LFNG: variants seen among roughly 807,000 people sequenced by gnomAD.
LFNG encodes the protein beta-1,3-N-acetylglucosaminyltransferase lunatic fringe.
In LFNG, 15 loss-of-function variants were observed where a neutral mutation model predicts 32.7. That is an observed-to-expected ratio of 0.46 (90% CI 0.31 to 0.71). LFNG has a LOEUF of 0.71. Among genes scored for constraint, LFNG ranks in the 30% least tolerant of loss-of-function variants. LFNG has a pLI of 0.06. For synonymous variants in LFNG, 274 were observed against 246.8 expected, an observed-to-expected ratio of 1.11 and a Z score of -1.03; for missense variants, 520 against 545.7, an observed-to-expected ratio of 0.95 and a Z score of 0.47.
rs1226579052 is a variant in LFNG at position 2,519,881 on chromosome 7, G to C, written c.20G>C (p.Arg7Pro). MLKRCG[R>P]RLLLALAGAL... ...CCCACCATGCTCAAGCGCTGCGGCCGGCGCCTGCTGCTGGCGCTGGCGGGC... is the reference window on the plus strand; with the variant it reads ...CCCACCATGCTCAAGCGCTGCGGCCCGCGCCTGCTGCTGGCGCTGGCGGGC... The change falls in exon 1 of 8, where the codon CGG becomes CCG. Residue 7 changes from arginine (R) to proline (P), a missense_variant. This residue lies in a region of LFNG where 360 missense variants were observed against 354.7 expected (regional missense o/e 1.01). Coordinates refer to ENST00000222725, the MANE Select transcript of LFNG (RefSeq NM_001040167.2). 8.2e-6 allele frequency: 9 copies of C among 1,103,564 alleles called. No homozygotes were observed. The highest frequency in any genetic ancestry group is 8.9e-6 in the Non-Finnish European group (8 of 902,184). The allele number at this position is 1,103,564 out of a possible 1,614,324, so 68.4% of individuals were successfully genotyped here.
chr7:2,514,395 C>T (rs911410528), upstream of LFNG, among the ~76,000 whole-genome samples: 2 of 152,260 alleles, frequency 1.3e-5, no homozygotes, highest in Non-Finnish European at 2.9e-5. Context: ...AGAATCACAT[C>T]ACGGTCCCGC....
chr7:2,516,906 G>A (rs1337989322), upstream of LFNG, among the ~76,000 whole-genome samples: 2 of 152,150 alleles, frequency 1.3e-5, no homozygotes, highest in Non-Finnish European at 2.9e-5. Context: ...CCGAGAAGTG[G>A]CCCCTCTGGG....
chr7:2,526,825 G>A lies in LFNG; in HGVS notation c.988-11G>A, dbSNP rs199722773. 8.5e-5 allele frequency: 137 copies of A among 1,612,026 alleles called. No individual in the cohort carries two copies. The highest frequency in any genetic ancestry group is 5.6e-4 in the East Asian group (25 of 44,826). ...GGCCCCTCCCGGCATCACTCCGCCCGCTCCCCACAGGTGACGCTGAGCTAC... is the reference window on the plus strand; with the variant it reads ...GGCCCCTCCCGGCATCACTCCGCCCACTCCCCACAGGTGACGCTGAGCTAC... On this transcript the variant is annotated splice_polypyrimidine_tract_variant and intron_variant, in intron 6 of 7. Coordinates refer to ENST00000222725, the MANE Select transcript of LFNG (RefSeq NM_001040167.2). The surrounding 1 kb of genome is among the most constrained non-coding windows in gnomAD (Gnocchi z 6.9).
chr7:2,519,846 C>T lies in LFNG; in HGVS notation c.-16C>T, dbSNP rs774329163. Reference sequence around the variant, plus strand: ...GGCGCACGGGGAAGGGCGCGCCGCGCGGCCGCCACCCCACCATGCTCAAGC... The same window carrying T: ...GGCGCACGGGGAAGGGCGCGCCGCGTGGCCGCCACCCCACCATGCTCAAGC... On this transcript the variant is annotated 5_prime_UTR_variant, in exon 1 of 8. Coordinates refer to ENST00000222725, the MANE Select transcript of LFNG (RefSeq NM_001040167.2). 1.1e-5 allele frequency: 12 copies of T among 1,078,264 alleles called. No homozygotes were observed. The South Asian group carries it at 2.7e-4, about 24-fold the overall frequency. The allele number at this position is 1,078,264 out of a possible 1,614,324, so 66.8% of individuals were successfully genotyped here. A position where few individuals can be genotyped will look rare whatever the true frequency, so the allele number is the denominator to read the frequency against.
rs1779760974 is a variant in LFNG at position 2,520,525 on chromosome 7, C to T, written c.432+232C>T. On this transcript the variant is annotated intron_variant, in intron 1 of 7. Coordinates refer to ENST00000222725, the MANE Select transcript of LFNG (RefSeq NM_001040167.2). The surrounding 1 kb of genome is among the most constrained non-coding windows in gnomAD (Gnocchi z 5.0). ...CCGCCTCCTGTCCAGCTCCAGAGTC[C>T]TGGATGGCTGCAGGACCCTACACCA... Among the ~76,000 whole-genome samples, 1 of 152,242 alleles carries T rather than the reference C, an allele frequency of 6.6e-6. No individual in the cohort carries two copies. The highest frequency in any genetic ancestry group is 1.5e-5 in the Non-Finnish European group (1 of 68,050).
chr7:2,519,188 A>T (rs1480429622), upstream of LFNG, among the ~76,000 whole-genome samples: 1 of 151,938 alleles, frequency 6.6e-6, no homozygotes, highest in Non-Finnish European at 1.5e-5. Flanking sequence ...TCTCGTTAGA[A>T]CCTCGTGTCC....
intron 1 of LFNG, chr7:2,523,802 G>T (rs1779862628): frequency 6.6e-6 from 1 of 152,392 alleles, no homozygotes; most frequent in Admixed American, 6.5e-5. Flanking sequence ...CCTGACCTGG[G>T]GGCTGGGGAC....
At chr7:2,522,051 A>G (rs1779807448) in intron 1 of LFNG, among the ~76,000 whole-genome samples, 1 of 152,160 alleles carries the variant, frequency 6.6e-6, no homozygotes, top group African/African-American at 2.4e-5. Flanking sequence ...CTGGAAACCC[A>G]CAGAAGAGGG....
chr7:2,525,467 G>C lies in LFNG; in HGVS notation c.635G>C (p.Arg212Pro), dbSNP rs760610052. Reference sequence around the variant, plus strand: ...TACGTCAACCTGCGGGCCCTGCTGCGGCTGCTGGCCAGCTACCCGCACACG... The same window carrying C: ...TACGTCAACCTGCGGGCCCTGCTGCCGCTGCTGGCCAGCTACCCGCACACG... ...DNYVNLRALLRLLASYPHTRD... is the reference protein window; with the variant it reads ...DNYVNLRALLPLLASYPHTRD... Residue 212 changes from arginine to proline, a missense_variant, in exon 4 of 8, where the codon CGG becomes CCG. Coordinates refer to ENST00000222725, the MANE Select transcript of LFNG (RefSeq NM_001040167.2). 4 of 1,612,518 alleles carry C rather than the reference G, an allele frequency of 2.5e-6. No individual in the cohort carries two copies. The South Asian group carries it at 3.3e-5, about 13-fold the overall frequency.
Position 2,526,932 on chromosome 7 carries a change from C to T in LFNG, c.1073+11C>T, listed in dbSNP as rs1396686355. ...GGCCGACCCATCCAGGTAAGGAAACCCCGGCCCAGATGGGCTTGCGTAGGG... is the reference window on the plus strand; with the variant it reads ...GGCCGACCCATCCAGGTAAGGAAACTCCGGCCCAGATGGGCTTGCGTAGGG... On this transcript the variant is annotated intron_variant, in intron 7 of 7. Transcript: ENST00000222725. This position sits in a 1 kb window ranked among gnomAD's most constrained non-coding sequence, Gnocchi z 6.9. 2 of 1,611,748 alleles carry T rather than the reference C, an allele frequency of 1.2e-6. No homozygotes were observed. The highest frequency in any genetic ancestry group is 2.2e-5 in the East Asian group (1 of 44,846).
chr7:2,525,000 T>G (rs1042855389), intron 2 of LFNG, among the ~76,000 whole-genome samples: 2 of 152,186 alleles, frequency 1.3e-5, no homozygotes, highest in Non-Finnish European at 2.9e-5. Context: ...GGGAAAAAGC[T>G]GCCTGAATGG....
upstream of LFNG, among the ~76,000 whole-genome samples, chr7:2,514,007 C>A (rs969362232): frequency 1.3e-5 from 2 of 152,242 alleles, no homozygotes; most frequent in African/African-American, 4.8e-5. Flanking sequence ...TTCTTTCTGG[C>A]CCCCTGGACC....
Position 2,527,201 on chromosome 7 carries a change from G to A in LFNG, c.1129G>A (p.Ala377Thr). Residue 377 changes from alanine to threonine, a missense_variant, in exon 8 of 8, where the codon GCC becomes ACC. Coordinates refer to ENST00000222725, the MANE Select transcript of LFNG (RefSeq NM_001040167.2). This position sits in a 1 kb window ranked among gnomAD's most constrained non-coding sequence, Gnocchi z 4.4. ...GGACACACCCTGGTGTCCCCGCACT[G>A]CCATCTTCTAGTGGCCATGGCTGAG... ...YPDTPWCPRT[A>T]IF 1 of 1,612,744 alleles carries A rather than the reference G, an allele frequency of 6.2e-7. No homozygotes were observed. The highest frequency in any genetic ancestry group is 2.2e-5 in the East Asian group (1 of 44,872).
At chr7:2,513,620 G>T (rs369334758), upstream of LFNG, among the ~76,000 whole-genome samples, 6 of 152,298 alleles carry the variant, frequency 3.9e-5, no homozygotes, top group South Asian at 1.0e-3. Flanking sequence ...TGACTAGGGT[G>T]GGGGGTCATG....
chr7:2,513,892 G>A (rs1051340983), upstream of LFNG, among the ~76,000 whole-genome samples: 5 of 152,240 alleles, frequency 3.3e-5, no homozygotes, highest in African/African-American at 4.8e-5. Flanking sequence ...AGAAAGAGGC[G>A]CAGCTGCCAG....
upstream of LFNG, among the ~76,000 whole-genome samples, chr7:2,515,781 C>G (rs1315182502): frequency 1.3e-5 from 2 of 152,214 alleles, no homozygotes; most frequent in Non-Finnish European, 2.9e-5. Flanking sequence ...GGCGAGGGGT[C>G]TGGGCATAGC....
chr7:2,513,216 A>C (rs1439661890), upstream of LFNG: 1 of 1,612,504 alleles, frequency 6.2e-7, no homozygotes, highest in Admixed American at 1.7e-5. Context: ...GAGCACATGA[A>C]ATGGATGGAA....
rs948857194 is a variant in LFNG at position 2,528,017 on chromosome 7, T to C, written c.*805T>C. ...GTGACAGTATTTTTTTACTGTGCTG[T>C]TTTTTTTGAAAGGGGATGGGTAAAA... On this transcript the variant is annotated 3_prime_UTR_variant, in exon 8 of 8. Coordinates refer to ENST00000222725, the MANE Select transcript of LFNG (RefSeq NM_001040167.2). The C allele has an allele frequency of 8.1e-6, 8 of 981,824 alleles. No individual in the cohort carries two copies. In the South Asian group the frequency reaches 1.4e-4, roughly 17 times the overall value. 60.8% of individuals were successfully genotyped at this position (981,824 alleles called of 1,614,324 possible).
At chr7:2,514,933 T>A (rs1286750874), upstream of LFNG, among the ~76,000 whole-genome samples, 9 of 151,958 alleles carry the variant, frequency 5.9e-5, no homozygotes. Context: ...TATCCTTCCA[T>A]CCATCCATGT....
Sources: allele counts gnomAD v4.1 joint callset (sites outside exome capture counted in the v4.1 genomes callset), GRCh38; gene constraint gnomAD v4.1.1; regional missense constraint gnomAD v4.1.1; non-coding constraint Gnocchi (gnomAD v3.1); transcripts MANE v1.5; gene names NCBI Gene and HGNC (gene_info 2026-07-23, HGNC 2026-07-21).